VAV1: variants seen among roughly 807,000 people sequenced by gnomAD.
The protein encoded by VAV1 is proto-oncogene vav.
In VAV1, 33 loss-of-function variants were observed where a neutral mutation model predicts 128.1. The ratio of observed to expected loss-of-function variants is 0.26; its 90% CI spans 0.20 to 0.34. The LOEUF is 0.34. VAV1 is among the 10% of genes least tolerant of loss of function. The pLI, the probability that VAV1 is intolerant of heterozygous loss-of-function variation, is 1.00. For synonymous variants in VAV1, 394 were observed against 409.8 expected, an observed-to-expected ratio of 0.96 and a Z score of 0.47; for missense variants, 715 against 1,093.7, an observed-to-expected ratio of 0.65 and a Z score of 4.88.
At chr19:6,825,536 G>A (rs118022704) in intron 8 of VAV1, 130 bp downstream of exon 8, 14,422 of 717,516 alleles carry the variant, frequency 0.02, 244 homozygotes, top group Non-Finnish European at 0.028. Context: ...TGGGCGAGGG[G>A]CTGCCCATCT....
chr19:6,806,761 G>C (rs946304832), intron 1 of VAV1, among the ~76,000 whole-genome samples: 1 of 152,224 alleles, frequency 6.6e-6, no homozygotes, highest in Non-Finnish European at 1.5e-5. Context: ...ACTGGAACTG[G>C]GGGTGGAGCC....
At chr19:6,814,702 T>C (rs949612348) in intron 1 of VAV1, among the ~76,000 whole-genome samples, 119 of 134,152 alleles carry the variant, frequency 8.9e-4, no homozygotes, top group African/African-American at 3.3e-3. Flanking sequence ...CTTTCTTTCT[T>C]TCTTTCTTTC....
intron 1 of VAV1, among the ~76,000 whole-genome samples, chr19:6,783,837 G>C (rs1311006669): frequency 1.3e-5 from 2 of 152,156 alleles, no homozygotes; most frequent in South Asian, 2.1e-4. Flanking sequence ...TAGGAATGTG[G>C]TTAAACTGGA....
chr19:6,809,528 G>A (rs1971470611), intron 1 of VAV1, among the ~76,000 whole-genome samples: 1 of 152,178 alleles, frequency 6.6e-6, no homozygotes, highest in African/African-American at 2.4e-5. Context: ...CACCTGGCTG[G>A]AGCAGAGGTG....
rs980735073 is a variant in VAV1, at chr19:6,777,091, CCCAT to C, written c.204+4090_204+4093del. On this transcript the variant is annotated intron_variant, in intron 1 of 26. Coordinates refer to ENST00000602142, the MANE Select transcript of VAV1 (RefSeq NM_005428.4). The surrounding 1 kb of genome is among the most constrained non-coding windows in gnomAD (Gnocchi z 4.4). ...TATCTATCATCCACCTGCCCACCCA[CCCAT>C]CCATCCATCTACTCATCCATCCATC... Among the ~76,000 whole-genome samples, 2 of 151,576 alleles carry C rather than the reference CCCAT, an allele frequency of 1.3e-5. No homozygotes were observed. The highest frequency in any genetic ancestry group is 2.9e-5 in the Non-Finnish European group (2 of 67,866).
chr19:6,800,128 T>G (rs1489008801), intron 1 of VAV1, among the ~76,000 whole-genome samples: 1 of 151,728 alleles, frequency 6.6e-6, no homozygotes, highest in Non-Finnish European at 1.5e-5. Context: ...TGAGGCTCTG[T>G]TTCTTAATTT....
intron 14 of VAV1, 22 bp downstream of exon 14, chr19:6,829,940 T>C (rs1426547492): frequency 7.4e-6 from 12 of 1,613,882 alleles, no homozygotes; most frequent in East Asian, 2.2e-5. Flanking sequence ...ACGCCGGAAC[T>C]ATGGGGTCCT....
chr19:6,831,389 G>T (rs1972050800), intron 14 of VAV1, among the ~76,000 whole-genome samples: 1 of 152,098 alleles, frequency 6.6e-6, no homozygotes, highest in South Asian at 2.1e-4. Flanking sequence ...TCGGCTCACT[G>T]CAACCTCCGC....
intron 1 of VAV1, among the ~76,000 whole-genome samples, chr19:6,812,830 AATGATGATG>A (rs150696527): frequency 4.6e-5 from 7 of 151,438 alleles, no homozygotes; most frequent in African/African-American, 1.5e-4. Context: ...TGGTGGTGAT[AATGATGATG>A]ATGATGATGA....
intron 1 of VAV1, among the ~76,000 whole-genome samples, chr19:6,782,261 C>T (rs956031412): frequency 3.3e-5 from 5 of 151,800 alleles, no homozygotes; most frequent in African/African-American, 1.2e-4. Flanking sequence ...ACCCAGGAGG[C>T]GGAGGTTGTA....
rs761768326 is a variant in VAV1 at position 6,857,131 on chromosome 19, C to A, written c.*24C>A. The A allele has an allele frequency of 6.2e-7, 1 of 1,613,698 alleles. No homozygotes were observed. Among genetic ancestry groups the A allele is most frequent in the Non-Finnish European group, 8.5e-7 (1 of 1,179,940 alleles). On this transcript the variant is annotated 3_prime_UTR_variant, in exon 27 of 27. Coordinates refer to ENST00000602142, the MANE Select transcript of VAV1 (RefSeq NM_005428.4). The stretch of plus-strand genomic sequence containing the variant: ...GAGCCCTGGTGCCTTGGCAGAGAGA[C>A]GAGAAACTCCAGGCTCTGAGCCCGG...
rs1970667320 is a variant in VAV1 at position 6,777,271 on chromosome 19, ATCCATCC to A, written c.204+4261_204+4267del. 6.6e-6 allele frequency among the ~76,000 whole-genome samples: 1 copy of A among 151,602 alleles called. No homozygotes were observed. Among genetic ancestry groups the A allele is most frequent in the Non-Finnish European group, 1.5e-5 (1 of 67,894 alleles). ...CATCCATCCATCCATCCATCCATCC[ATCCATCC>A]ATCCATCCAGCAATGACAAGGTCTG... is the stretch of plus-strand genomic sequence containing the variant. On this transcript the variant is annotated intron_variant, in intron 1 of 26. Coordinates refer to ENST00000602142, the MANE Select transcript of VAV1 (RefSeq NM_005428.4). This position sits in a 1 kb window ranked among gnomAD's most constrained non-coding sequence, Gnocchi z 4.4.
Position 6,822,132 on chromosome 19 carries a change from T to TG in VAV1, c.450-83dup, listed in dbSNP as rs546004141. On this transcript the variant is annotated intron_variant, in intron 4 of 26. Transcript: ENST00000602142. This position sits in a 1 kb window ranked among gnomAD's most constrained non-coding sequence, Gnocchi z 5.9. ...GTCTGAGGTCCCACCCTTGGAGTCT[T>TG]GGGGGGACAAAGCCCTGCGCTGGGG... The TG allele has an allele frequency of 2.1e-4, 274 of 1,333,054 alleles. No homozygotes were observed. The African/African-American group carries it at 2.5e-3, about 12-fold the overall frequency. The allele number at this position is 1,333,054 out of a possible 1,614,324, so 82.6% of individuals were successfully genotyped here. A position where few individuals can be genotyped will look rare whatever the true frequency, so the allele number is the denominator to read the frequency against.
intron 1 of VAV1, among the ~76,000 whole-genome samples, chr19:6,780,588 T>G (rs534662662): frequency 0.011 from 1,571 of 143,344 alleles, 41 homozygotes; most frequent in African/African-American, 0.041. Flanking sequence ...TTTTTTTTTT[T>G]TGGGACGGAG....
Position 6,828,750 on chromosome 19 carries a change from G to C in VAV1, c.1179+42G>C. The C allele has an allele frequency of 3.1e-6, 5 of 1,613,972 alleles. No homozygotes were observed. The highest frequency in any genetic ancestry group is 1.3e-5 in the African/African-American group (1 of 75,034). On this transcript the variant is annotated intron_variant, in intron 12 of 26. Coordinates refer to ENST00000602142, the MANE Select transcript of VAV1 (RefSeq NM_005428.4). The surrounding 1 kb of genome is among the most constrained non-coding windows in gnomAD (Gnocchi z 4.5). ...GGGTGGGCCAGGGGTGTGGCCACGT[G>C]GGGAGAGTGTGTGTCTGGCTCCTTT... is the stretch of plus-strand genomic sequence containing the variant.
chr19:6,840,585 C>T (rs1728173807), intron 21 of VAV1, among the ~76,000 whole-genome samples: 1 of 152,020 alleles, frequency 6.6e-6, no homozygotes, highest in African/African-American at 2.4e-5. Flanking sequence ...AGGCGTGAGC[C>T]ACTGCGCCCG....
At chr19:6,807,938 C>T (rs1346825688) in intron 1 of VAV1, among the ~76,000 whole-genome samples, 3 of 135,952 alleles carry the variant, frequency 2.2e-5, no homozygotes, top group Non-Finnish European at 4.6e-5. Context: ...TGCAGTGAGT[C>T]GAGATTCTGC....
intron 1 of VAV1, among the ~76,000 whole-genome samples, chr19:6,776,284 TCATCCATCCATCCATCCATCCATC>T (rs59236244): frequency 3.8e-4 from 38 of 100,798 alleles, no homozygotes; most frequent in African/African-American, 1.4e-3. Flanking sequence ...ATCTATCCAC[TCATCCATCCATCCATCCATCCATC>T]CATCCATCCA....
chr19:6,799,565 C>T (rs567854730), intron 1 of VAV1, among the ~76,000 whole-genome samples: 1 of 152,096 alleles, frequency 6.6e-6, no homozygotes, highest in Non-Finnish European at 1.5e-5. Context: ...AACCCATCAT[C>T]TACATTAGGT....
Sources: allele counts gnomAD v4.1 joint callset (sites outside exome capture counted in the v4.1 genomes callset), GRCh38; gene constraint gnomAD v4.1.1; non-coding constraint Gnocchi (gnomAD v3.1); transcripts MANE v1.5; gene names NCBI Gene and HGNC (gene_info 2026-07-23, HGNC 2026-07-21).